The following KIF20B variants were observed in gnomAD, a reference collection of about 807,000 sequenced individuals.
KIF20B encodes the protein kinesin-like protein KIF20B.
A neutral mutation model predicts 232.5 loss-of-function variants in KIF20B; 188 were observed. That is an observed-to-expected ratio of 0.81 (90% CI 0.72 to 0.91). The LOEUF (loss-of-function observed/expected upper bound fraction) is 0.91, where lower values mean the gene tolerates loss of function less well. Ranked by LOEUF, KIF20B falls within the 40% of genes least tolerant of loss-of-function variation. The probability of loss-of-function intolerance (pLI) is 0.00; values close to 1 mark genes in which losing one functional copy is unlikely to be tolerated. For synonymous variants in KIF20B, 712 were observed against 683.0 expected (o/e 1.04, Z -0.66); for missense variants, 2,154 against 2,055.9 (o/e 1.05, Z -0.92).
At chr10:89,719,374 T>G (rs760414350) in intron 12 of KIF20B, 45 bp from the exon 13 acceptor site, 2 of 1,348,268 alleles carry the variant, frequency 1.5e-6, no homozygotes, top group Non-Finnish European at 2.0e-6. Context: ...TAGTGGACAG[T>G]TCTTGTCTTT....
In KIF20B at chr10:89,738,440, A is replaced by G. The variant is rs1841716493; in HGVS notation, c.3599A>G (p.Asn1200Ser). ...KESIILKLER[N>S]LKEFQEHLQD... is the part of the protein sequence containing the mutation. ...TCTATCATCTTAAAGCTAGAAAGAA[A>G]TTTGAAGGAATTTCAAGAACATCTT... is the stretch of plus-strand genomic sequence containing the variant. The change falls in exon 20 of 33, where the codon AAT becomes AGT. Residue 1200 changes from asparagine (N) to serine (S), a missense_variant. Coordinates refer to ENST00000371728, the MANE Select transcript of KIF20B (RefSeq NM_001284259.2). 6.2e-7 allele frequency: 1 copy of G among 1,603,306 alleles called. No homozygotes were observed. Among genetic ancestry groups the G allele is most frequent in the Admixed American group, 1.7e-5 (1 of 57,620 alleles).
At chr10:89,722,751 T>C (rs1843092392) in intron 13 of KIF20B, among the ~76,000 whole-genome samples, 1 of 134,446 alleles carries the variant, frequency 7.4e-6, no homozygotes, top group Non-Finnish European at 1.5e-5. Flanking sequence ...AGTTATTATT[T>C]ATTGTTTTAC....
intron 15 of KIF20B, 136 bp downstream of exon 15, chr10:89,725,294 G>T (rs1843156741): frequency 1.7e-5 from 14 of 811,228 alleles, no homozygotes; most frequent in Non-Finnish European, 2.4e-5. Context: ...TTATAATTAG[G>T]CATGTTTTTT....
intron 6 of KIF20B, among the ~76,000 whole-genome samples, chr10:89,711,828 A>C (rs1234303980): frequency 1.3e-5 from 2 of 152,094 alleles, no homozygotes; most frequent in Non-Finnish European, 2.9e-5. Context: ...ATTTTAAATC[A>C]GCTTTTAAAA....
intron 23 of KIF20B, among the ~76,000 whole-genome samples, chr10:89,749,759 G>C (rs1841988101): frequency 6.6e-6 from 1 of 152,112 alleles, no homozygotes; most frequent in African/African-American, 2.4e-5. Flanking sequence ...TGCTATGGCT[G>C]AATAATATTC....
rs945718012 is a variant in KIF20B at position 89,774,222 on chromosome 10, A to G, written c.*174A>G. 1.5e-5 allele frequency: 6 copies of G among 387,348 alleles called. No individual in the cohort carries two copies. Among genetic ancestry groups the G allele is most frequent in the East Asian group, 4.0e-5 (1 of 25,236 alleles). The allele number at this position is 387,348 out of a possible 1,614,324, so 24.0% of individuals were successfully genotyped here. ...AATGAGTCAAAATTTGTATATTTTT[A>G]TAAGGCTTTTTTATAATAGCTTCTT... is the stretch of plus-strand genomic sequence containing the variant. On this transcript the variant is annotated 3_prime_UTR_variant, in exon 33 of 33. Transcript: ENST00000371728.
At position 89,706,585 on chromosome 10, in the gene KIF20B, T is replaced by C. The variant is rs115761508; in HGVS notation, c.147+1144T>C. 3.0e-3 allele frequency among the ~76,000 whole-genome samples: 458 copies of C among 152,090 alleles called. 3 individuals carry two copies. The highest frequency in any genetic ancestry group is 0.01 in the African/African-American group (427 of 41,550). On this transcript the variant is annotated intron_variant, in intron 2 of 32. Transcript: ENST00000371728. ...GAACAGTTTTTGTGTGCAGTTGATA[T>C]AGGGACCCAGGTTAACTTTTTTCTT...
Position 89,774,133 on chromosome 10 carries a change from T to TA in KIF20B, c.*85_*86insA. ...TGTATTGTAAATATAAATGTATATATTATGCATTAAATCACTCTGCATATA... is the reference window on the plus strand; with the variant it reads ...TGTATTGTAAATATAAATGTATATATATATGCATTAAATCACTCTGCATATA... On this transcript the variant is annotated 3_prime_UTR_variant, in exon 33 of 33. Coordinates refer to ENST00000371728, the MANE Select transcript of KIF20B (RefSeq NM_001284259.2). 2.7e-6 allele frequency: 2 copies of TA among 754,136 alleles called. No individual in the cohort carries two copies. The highest frequency in any genetic ancestry group is 4.2e-6 in the Non-Finnish European group (2 of 475,020). The allele number at this position is 754,136 out of a possible 1,614,324, so 46.7% of individuals were successfully genotyped here.
chr10:89,756,004 T>C (rs1225927623), intron 26 of KIF20B, among the ~76,000 whole-genome samples: 1 of 152,150 alleles, frequency 6.6e-6, no homozygotes, highest in Non-Finnish European at 1.5e-5. Flanking sequence ...AGTTGGCCAG[T>C]TTTTATTAAA....
At chr10:89,719,391 T>G (rs753786639) in intron 12 of KIF20B, 28 bp from the exon 13 acceptor site, 11 of 1,484,768 alleles carry the variant, frequency 7.4e-6, no homozygotes, top group Non-Finnish European at 9.1e-6. Context: ...CTTTTCTGTT[T>G]TAAAAGTCAC....
intron 13 of KIF20B, chr10:89,723,446 G>A (rs906413734): frequency 6.6e-6 from 1 of 152,230 alleles, no homozygotes; most frequent in African/African-American, 2.4e-5. Context: ...CCTAATATAA[G>A]TTTATGTAAC....
intron 20 of KIF20B, 119 bp from the exon 21 acceptor site, chr10:89,738,839 G>C: frequency 8.0e-7 from 1 of 1,248,066 alleles, no homozygotes; most frequent in Non-Finnish European, 1.1e-6. Context: ...CTCATTCATA[G>C]TTTGGATATT....
intron 1 of KIF20B, among the ~76,000 whole-genome samples, chr10:89,704,553 AGTTTT>A (rs1353751310): frequency 6.8e-6 from 1 of 146,326 alleles, no homozygotes; most frequent in African/African-American, 2.7e-5. Flanking sequence ...CAGATAACTG[AGTTTT>A]GTTTTGTTTT....
At chr10:89,728,095 T>G (rs1843229465) in intron 17 of KIF20B, among the ~76,000 whole-genome samples, 199 bp downstream of exon 17, 1 of 152,166 alleles carries the variant, frequency 6.6e-6, no homozygotes. Context: ...GTATTTATCC[T>G]TTCAAAAAGC....
At chr10:89,728,983 C>A in intron 17 of KIF20B, 145 bp from the exon 18 acceptor site, 1 of 586,436 alleles carries the variant, frequency 1.7e-6, no homozygotes, top group Non-Finnish European at 2.5e-6. Context: ...TAAGATCATG[C>A]TGTGCATAGT....
intron 31 of KIF20B, among the ~76,000 whole-genome samples, chr10:89,769,287 A>G (rs1842423278): frequency 6.6e-6 from 1 of 152,012 alleles, no homozygotes; most frequent in Non-Finnish European, 1.5e-5. Context: ...GTGAGAATAC[A>G]GTCATGGGTT....
intron 21 of KIF20B, among the ~76,000 whole-genome samples, chr10:89,739,410 A>G (rs1202658039): frequency 1.3e-5 from 2 of 152,184 alleles, no homozygotes; most frequent in African/African-American, 2.4e-5. Context: ...AATGTGCAGT[A>G]TGATTTTTTA....
At chr10:89,751,224 G>A in intron 23 of KIF20B, 122 bp from the exon 24 acceptor site, 1 of 733,734 alleles carries the variant, frequency 1.4e-6, no homozygotes, top group Non-Finnish European at 2.2e-6. Flanking sequence ...CAAAGTTTCT[G>A]TCTATATGGA....
chr10:89,753,898 G>A (rs1284418620), intron 25 of KIF20B, among the ~76,000 whole-genome samples: 1 of 152,084 alleles, frequency 6.6e-6, no homozygotes, highest in African/African-American at 2.4e-5. Flanking sequence ...AATTACGGGC[G>A]TGAGCCACCG....
Sources: gnomAD v4.1 joint callset for allele counts (sites outside exome capture counted in the v4.1 genomes callset) on GRCh38, gnomAD v4.1.1 for gene constraint, MANE v1.5 for transcripts, NCBI Gene and HGNC (gene_info 2026-07-23, HGNC 2026-07-21) for gene names.